RMDN2: variants seen among roughly 807,000 people sequenced by gnomAD.
RMDN2 encodes the protein regulator of microtubule dynamics protein 2.
Under a neutral mutation model 52.8 loss-of-function variants are expected in RMDN2, and 61 were observed. The observed-to-expected ratio is 1.16, with a 90% confidence interval of 0.94 to 1.43. RMDN2 has a LOEUF of 1.43. RMDN2 is among the 40% of genes most tolerant of loss of function. RMDN2 has a pLI of 0.00. For missense variants in RMDN2, 592 were observed against 475.3 expected (o/e 1.25, Z -2.28); for synonymous variants, 180 against 153.1 (o/e 1.18, Z -1.30).
chr2:37,994,811 G>A (rs1032682092), intron 7 of RMDN2, among the ~76,000 whole-genome samples: 5 of 152,096 alleles, frequency 3.3e-5, no homozygotes, highest in African/African-American at 1.2e-4. Flanking sequence ...AAAAATATAT[G>A]CTCACACAAA....
intron 10 of RMDN2, chr2:38,028,047 C>T (rs1012083821): frequency 2.0e-5 from 3 of 152,162 alleles, no homozygotes; most frequent in Non-Finnish European, 4.4e-5. Flanking sequence ...TGTTATTTCC[C>T]TTGTGTTCTT....
chr2:38,003,719 A>G (rs181198558), intron 8 of RMDN2, among the ~76,000 whole-genome samples: 1 of 152,316 alleles, frequency 6.6e-6, no homozygotes, highest in East Asian at 1.9e-4. Context: ...ATGATTATGT[A>G]AAGAAATCTG....
chr2:37,937,935 G>A (rs1329834901), intron 2 of RMDN2, among the ~76,000 whole-genome samples: 1 of 152,146 alleles, frequency 6.6e-6, no homozygotes, highest in African/African-American at 2.4e-5. Context: ...TGTTGAATAG[G>A]AGTGGTGAGA....
Position 38,040,514 on chromosome 2 carries a change from G to C in RMDN2, c.1714-26468G>C, listed in dbSNP as rs537862417. ...TATGAAGCAGAGCAAGTCCTCACCA[G>C]ACACCACATCTGCTGGTACATTGAT... On this transcript the variant is annotated intron_variant, in intron 10 of 10. Coordinates refer to the RMDN2 transcript ENST00000234195. Among the ~76,000 whole-genome samples the C allele has an allele frequency of 3.4e-4, 51 of 152,170 alleles. 1 individual carries two copies. Among genetic ancestry groups the C allele is most frequent in the Non-Finnish European group, 5.7e-4 (39 of 68,034 alleles).
Position 38,048,540 on chromosome 2 carries a change from G to A in RMDN2, c.1714-18442G>A, listed in dbSNP as rs569318155. On this transcript the variant is annotated intron_variant, in intron 10 of 10. Transcript: ENST00000234195. Reference sequence around the variant, plus strand: ...AATTACCTGGCATGTGAGCTGGCCCGGCCCTTCTCCTGTACAGCAGGCCCA... The same window carrying A: ...AATTACCTGGCATGTGAGCTGGCCCAGCCCTTCTCCTGTACAGCAGGCCCA... Among the ~76,000 whole-genome samples, 29 of 152,266 alleles carry A rather than the reference G, an allele frequency of 1.9e-4. No homozygotes were observed. In the East Asian group the frequency reaches 3.7e-3, roughly 19 times the overall value.
At chr2:38,038,438 G>A (rs1307531807) in intron 10 of RMDN2, among the ~76,000 whole-genome samples, 1 of 152,194 alleles carries the variant, frequency 6.6e-6, no homozygotes. Flanking sequence ...GAGGAAAACT[G>A]ATACCCCGTA....
chr2:38,021,282 A>C (rs1024456722), downstream of RMDN2, among the ~76,000 whole-genome samples: 2 of 152,172 alleles, frequency 1.3e-5, no homozygotes, highest in Non-Finnish European at 2.9e-5. Context: ...TGTAAAACAG[A>C]CCAATTGGCT....
At chr2:37,947,116 G>A (rs1447575024) in intron 2 of RMDN2, among the ~76,000 whole-genome samples, 1 of 151,988 alleles carries the variant, frequency 6.6e-6, no homozygotes, top group African/African-American at 2.4e-5. Context: ...TGGTTACTTT[G>A]CAAAGTATGA....
chr2:38,057,513 G>T (rs1681893498), intron 10 of RMDN2, among the ~76,000 whole-genome samples: 1 of 152,194 alleles, frequency 6.6e-6, no homozygotes, highest in Non-Finnish European at 1.5e-5. Context: ...ATAGTTTGCT[G>T]ACCTCTGCTG....
chr2:38,014,279 A>G (rs1678429104), intron 10 of RMDN2, among the ~76,000 whole-genome samples: 1 of 152,172 alleles, frequency 6.6e-6, no homozygotes, highest in African/African-American at 2.4e-5. Context: ...CTGTCTAAAC[A>G]GTCATTTTCA....
Position 37,981,244 on chromosome 2 carries a change from C to G in RMDN2, c.731-39C>G, listed in dbSNP as rs374092286. The G allele has an allele frequency of 2.5e-5, 31 of 1,217,458 alleles. No homozygotes were observed. In the African/African-American group the frequency reaches 4.0e-4, roughly 16 times the overall value. 75.4% of individuals were successfully genotyped at this position (1,217,458 alleles called of 1,614,324 possible). A position where few individuals can be genotyped will look rare whatever the true frequency, so the allele number is the denominator to read the frequency against. ...TTCAATAATCCACCTCCTACCAACT[C>G]ACATGAAGGTATTAAGTGTAAGTAC... On this transcript the variant is annotated intron_variant, in intron 4 of 10. Coordinates refer to ENST00000354545, the MANE Select transcript of RMDN2 (RefSeq NM_001170791.3).
In RMDN2 at chr2:37,945,953, C is replaced by G. The variant is rs115826030; in HGVS notation, c.452+16224C>G. 6.0e-3 allele frequency among the ~76,000 whole-genome samples: 909 copies of G among 152,286 alleles called. 11 individuals are homozygous for G. Among genetic ancestry groups the G allele is most frequent in the African/African-American group, 0.02 (848 of 41,546 alleles). On this transcript the variant is annotated intron_variant, in intron 2 of 10. Coordinates refer to ENST00000354545, the MANE Select transcript of RMDN2 (RefSeq NM_001170791.3). ...ATATGAAATACCTGCTGAATTCAGA[C>G]TTGACCTCTCAAGGTGAATACTCAT...
chr2:38,054,802 T>C (rs1353599575), intron 10 of RMDN2, among the ~76,000 whole-genome samples: 3 of 152,174 alleles, frequency 2.0e-5, no homozygotes, highest in African/African-American at 7.2e-5. Flanking sequence ...TGCACGACTC[T>C]GGACACCTCA....
chr2:37,929,666 G>T lies in RMDN2; in HGVS notation c.389G>T (p.Arg130Ile). The change falls in exon 2 of 11, where the codon AGA becomes ATA. Residue 130 changes from arginine (R) to isoleucine (I), a missense_variant. Transcript: ENST00000354545. The part of the protein sequence containing the change: ...ISPQHRARKR[R>I]LPTIQSSATS... ...CCTCAGCACAGAGCGAGAAAAAGAA[G>T]ACTCCCCACAATTCAAAGTTCAGCA... is the stretch of plus-strand genomic sequence containing the variant. 6.5e-7 allele frequency: 1 copy of T among 1,537,918 alleles called. No individual in the cohort carries two copies. Among genetic ancestry groups the T allele is most frequent in the Non-Finnish European group, 8.7e-7 (1 of 1,143,768 alleles).
chr2:38,019,363 G>A (rs1177354987), downstream of RMDN2, among the ~76,000 whole-genome samples: 1 of 152,172 alleles, frequency 6.6e-6, no homozygotes, highest in Admixed American at 6.5e-5. Flanking sequence ...CAGTGTTCAT[G>A]TATTATATTT....
chr2:37,934,879 C>G lies in RMDN2; in HGVS notation c.452+5150C>G, dbSNP rs916716653. Among the ~76,000 whole-genome samples the G allele has an allele frequency of 2.0e-5, 3 of 151,794 alleles. No homozygotes were observed. The East Asian group carries it at 5.8e-4, about 29-fold the overall frequency. ...GCTCTATCACTCTATGGGTCTAAAA[C>G]TATTATTTGAATTACAATATTATAT... On this transcript the variant is annotated intron_variant, in intron 2 of 10. Transcript: ENST00000354545.
At chr2:37,951,925 A>AGT in intron 2 of RMDN2, 1 of 1,613,490 alleles carries the variant, frequency 6.2e-7, no homozygotes, top group Admixed American at 1.7e-5. Flanking sequence ...GATATTCAAC[A>AGT]AAGGGGCCAA....
intron 2 of RMDN2, among the ~76,000 whole-genome samples, chr2:37,942,423 G>T (rs150238142): frequency 3.2e-4 from 49 of 152,172 alleles, no homozygotes; most frequent in African/African-American, 1.1e-3. Flanking sequence ...AATTCCTTAG[G>T]CATATGTGGA....
chr2:37,924,366 G>GT (rs1471631864), upstream of RMDN2, among the ~76,000 whole-genome samples: 2 of 152,216 alleles, frequency 1.3e-5, no homozygotes, highest in African/African-American at 4.8e-5. Flanking sequence ...CAGAAGCAGT[G>GT]TATGTACTGT....
Sources: gnomAD v4.1 joint callset for allele counts (sites outside exome capture counted in the v4.1 genomes callset) on GRCh38, gnomAD v4.1.1 for gene constraint, MANE v1.5 for transcripts, NCBI Gene and HGNC (gene_info 2026-07-23, HGNC 2026-07-21) for gene names.